Variants in CLASP2 observed in about 807,000 individuals in gnomAD.
CLASP2 encodes cytoplasmic linker associated protein 2.
In CLASP2, 47 loss-of-function variants were observed where a neutral mutation model predicts 194.4. The observed-to-expected ratio is 0.24, with a 90% confidence interval of 0.19 to 0.31. The LOEUF (loss-of-function observed/expected upper bound fraction) is 0.31. Among genes scored for constraint, CLASP2 ranks in the 10% least tolerant of loss-of-function variants. The pLI, the probability that CLASP2 is intolerant of heterozygous loss-of-function variation, is 1.00. For synonymous variants in CLASP2, 619 were observed against 633.5 expected, an observed-to-expected ratio of 0.98 and a Z score of 0.34; for missense variants, 1,445 against 1,823.6, an observed-to-expected ratio of 0.79 and a Z score of 3.78.
intron 34 of CLASP2, among the ~76,000 whole-genome samples, chr3:33,534,347 T>C (rs1222643807): frequency 1.3e-5 from 2 of 151,952 alleles, no homozygotes; most frequent in Non-Finnish European, 1.5e-5. Flanking sequence ...GGATCACTTA[T>C]GGCCAGGAGT....
In CLASP2 at chr3:33,560,965, T is replaced by C; in HGVS notation, c.2773A>G (p.Ser925Gly). 1 of 1,613,360 alleles carries C rather than the reference T, an allele frequency of 6.2e-7. No individual in the cohort carries two copies. Among genetic ancestry groups the C allele is most frequent in the Non-Finnish European group, 8.5e-7 (1 of 1,179,536 alleles). ...TCCACTAGAGTCTCCAAAAACATGC[T>C]GAATACCTACAGTTGATAAAGGGGA... ...FADPHGKRVF[S>G]MFLETLVDFI... The change falls in exon 28 of 39, where the codon AGC becomes GGC. Residue 925 changes from serine (S) to glycine (G), a missense_variant. By Grantham distance (56) the Ser-to-Gly change is moderately conservative. Around this residue, in one of 4 missense-constraint regions of CLASP2, gnomAD observed 732 missense variants for 987.9 expected, o/e 0.74. Coordinates refer to ENST00000682230, the MANE Select transcript of CLASP2 (RefSeq NM_001365631.1).
At chr3:33,619,775 A>C (rs756226130) in intron 11 of CLASP2, 37 bp from the exon 12 acceptor site, 12 of 1,488,302 alleles carry the variant, frequency 8.1e-6, no homozygotes, top group Non-Finnish European at 1.1e-5. Context: ...TTAATAGTTT[A>C]ACATTAAATA....
chr3:33,582,044 A>C, intron 22 of CLASP2, 116 bp from the exon 23 acceptor site: 1 of 611,784 alleles, frequency 1.6e-6, no homozygotes, highest in South Asian at 2.1e-5. Context: ...AAATTTTTCT[A>C]AGGCTGAAAA....
intron 29 of CLASP2, among the ~76,000 whole-genome samples, chr3:33,554,235 A>AG (rs887534714): frequency 3.3e-5 from 5 of 151,948 alleles, no homozygotes; most frequent in African/African-American, 1.2e-4. Context: ...CAAAAAAAAA[A>AG]AAAAAAAAAT....
intron 36 of CLASP2, among the ~76,000 whole-genome samples, chr3:33,512,920 G>C (rs1410203849): frequency 6.6e-6 from 1 of 152,102 alleles, no homozygotes; most frequent in Non-Finnish European, 1.5e-5. Context: ...AACCCAGAGA[G>C]GCAGAGATTG....
intron 2 of CLASP2, 107 bp downstream of exon 2, chr3:33,696,748 T>C (rs1482022010): frequency 3.6e-6 from 3 of 827,150 alleles, no homozygotes; most frequent in African/African-American, 1.8e-5. Context: ...TTACAGAAAT[T>C]ACATTTTTTT....
At chr3:33,644,647 G>T in intron 8 of CLASP2, 110 bp downstream of exon 8, 1 of 1,156,550 alleles carries the variant, frequency 8.6e-7, no homozygotes. Flanking sequence ...CTCCAGATCT[G>T]CAATCGTGCT....
At chr3:33,604,007 C>T (rs1260230200) in intron 17 of CLASP2, 147 bp downstream of exon 17, 34 of 612,636 alleles carry the variant, frequency 5.5e-5, no homozygotes, top group Non-Finnish European at 8.8e-5. Flanking sequence ...TATGTATACA[C>T]GTATACATAT....
At chr3:33,713,012 C>CAGAAAAAAAAAAAA (rs1559717375) in intron 1 of CLASP2, among the ~76,000 whole-genome samples, 25 of 47,004 alleles carry the variant, frequency 5.3e-4, no homozygotes, top group Non-Finnish European at 8.4e-4. Flanking sequence ...AACTCCACCT[C>CAGAAAAAAAAAAAA]AAAAAAAAAA....
intron 27 of CLASP2, among the ~76,000 whole-genome samples, chr3:33,565,807 G>A (rs1203853909): frequency 2.7e-5 from 4 of 150,400 alleles, no homozygotes; most frequent in Middle Eastern, 3.2e-3. Flanking sequence ...GCGAGACTCC[G>A]TCTCAAAAAA....
chr3:33,676,850 T>G (rs565388533), intron 6 of CLASP2, among the ~76,000 whole-genome samples: 1 of 152,066 alleles, frequency 6.6e-6, no homozygotes, highest in South Asian at 2.1e-4. Context: ...CTTGAACAAA[T>G]TTACAAGGAA....
At chr3:33,696,353 C>CTTTTTTTTTTTTTTT (rs962854814) in intron 2 of CLASP2, among the ~76,000 whole-genome samples, 9 of 52,724 alleles carry the variant, frequency 1.7e-4, no homozygotes, top group Non-Finnish European at 2.3e-4. Flanking sequence ...TTCTTTCTTT[C>CTTTTTTTTTTTTTTT]TTTTTTTTTT....
intron 1 of CLASP2, among the ~76,000 whole-genome samples, chr3:33,713,788 T>C (rs2093154314): frequency 6.6e-6 from 1 of 152,148 alleles, no homozygotes; most frequent in Non-Finnish European, 1.5e-5. Flanking sequence ...GGCTAATTTT[T>C]TGGTAGAGAT....
intron 34 of CLASP2, among the ~76,000 whole-genome samples, chr3:33,530,073 T>C (rs867142754): frequency 1.8e-4 from 27 of 150,488 alleles, no homozygotes; most frequent in South Asian, 4.2e-4. Flanking sequence ...TGCCTTCTTG[T>C]GGAATACCTC....
intron 5 of CLASP2, among the ~76,000 whole-genome samples, chr3:33,686,185 C>T (rs1186012989): frequency 1.3e-5 from 2 of 152,126 alleles, no homozygotes; most frequent in African/African-American, 2.4e-5. Flanking sequence ...TTCCTGAGGT[C>T]ACTCCAAATC....
At chr3:33,510,848 CAATAT>C in intron 36 of CLASP2, 84 bp from the exon 37 acceptor site, 1 of 1,196,994 alleles carries the variant, frequency 8.4e-7, no homozygotes, top group African/African-American at 1.5e-5. Context: ...ATGAAGTATT[CAATAT>C]AATATATGGA....
intron 6 of CLASP2, among the ~76,000 whole-genome samples, chr3:33,677,929 C>CAAA (rs777895095): frequency 1.7e-5 from 1 of 60,054 alleles, no homozygotes; most frequent in African/African-American, 6.0e-5. Flanking sequence ...AACAAAGTAC[C>CAAA]AAAAAAAAAA....
intron 6 of CLASP2, among the ~76,000 whole-genome samples, chr3:33,671,663 G>A (rs1436130002): frequency 6.6e-6 from 1 of 152,220 alleles, no homozygotes; most frequent in South Asian, 2.1e-4. Context: ...GGAAGCACAA[G>A]GGGTCAGGGA....
intron 6 of CLASP2, among the ~76,000 whole-genome samples, chr3:33,667,400 CT>C: frequency 2.1e-5 from 1 of 48,080 alleles, no homozygotes. Context: ...CAGAGTGAGA[CT>C]ATCTCAAAAA....
Sources: allele counts gnomAD v4.1 joint callset (sites outside exome capture counted in the v4.1 genomes callset), GRCh38; gene constraint gnomAD v4.1.1; regional missense constraint gnomAD v4.1.1; transcripts MANE v1.5; gene names NCBI Gene and HGNC (gene_info 2026-07-23, HGNC 2026-07-21).